Variants in SOHLH2 observed in about 807,000 individuals in gnomAD.
The protein encoded by SOHLH2 is spermatogenesis and oogenesis specific basic helix-loop-helix 2, also known as spermatogenesis- and oogenesis-specific basic helix-loop-helix-containing protein 2.
SOHLH2 carries 22 observed loss-of-function variants against 50.4 expected under a neutral mutation model. The ratio of observed to expected loss-of-function variants is 0.44; its 90% confidence interval spans 0.31 to 0.62. The LOEUF is 0.62. Among genes scored for constraint, SOHLH2 ranks in the 20% least tolerant of loss-of-function variants. SOHLH2 has a pLI of 0.08. For missense variants in SOHLH2, 412 were observed against 504.4 expected (o/e 0.82, Z 1.76); for synonymous variants, 185 against 187.3 (o/e 0.99, Z 0.10).
intron 1 of SOHLH2, among the ~76,000 whole-genome samples, chr13:36,209,510 AATTT>A (rs778422811): frequency 1.3e-5 from 2 of 152,106 alleles, no homozygotes; most frequent in Non-Finnish European, 2.9e-5. Flanking sequence ...CATAGATGGC[AATTT>A]ATTTGTGTTC....
intron 9 of SOHLH2, 119 bp downstream of exon 9, chr13:36,173,573 G>A (rs1887019389): frequency 1.0e-5 from 12 of 1,176,126 alleles, no homozygotes; most frequent in Non-Finnish European, 1.5e-5. Flanking sequence ...GACAATACCA[G>A]AAGGACTCAT....
intron 4 of SOHLH2, among the ~76,000 whole-genome samples, chr13:36,193,116 T>C (rs1440409000): frequency 6.6e-6 from 1 of 152,228 alleles, no homozygotes; most frequent in Admixed American, 6.5e-5. Flanking sequence ...ATGCTTAATA[T>C]AATAGGCAAA....
intron 6 of SOHLH2, chr13:36,182,914 A>C (rs541047966): frequency 6.3e-6 from 1 of 157,784 alleles, no homozygotes; most frequent in East Asian, 1.8e-4. Context: ...TCCAAATCTT[A>C]TGGTGAAATG....
chr13:36,197,217 C>T (rs1276735502), intron 2 of SOHLH2, among the ~76,000 whole-genome samples: 1 of 152,120 alleles, frequency 6.6e-6, no homozygotes. Context: ...CACGATTACG[C>T]TGTTTAAATG....
chr13:36,185,640 A>C (rs1006581120), intron 6 of SOHLH2, among the ~76,000 whole-genome samples: 1 of 152,210 alleles, frequency 6.6e-6, no homozygotes, highest in Non-Finnish European at 1.5e-5. Context: ...CTGATCAAGA[A>C]ACAAGGCAGA....
chr13:36,191,893 A>G lies in SOHLH2; in HGVS notation c.432T>C (p.Val144=). ...KYWTTCPSNT[V]KTENATGPEE... is the part of the protein sequence containing the mutation. ...CAGGCCCAGTTGCGTTTTCAGTCTTAACTGAAAGTTTTGAGAGGGGAACTA... is the reference window on the plus strand; with the variant it reads ...CAGGCCCAGTTGCGTTTTCAGTCTTGACTGAAAGTTTTGAGAGGGGAACTA... Residue 144 remains valine, a splice_region_variant and synonymous_variant, in exon 5 of 11, where the codon GTT becomes GTC. Transcript: ENST00000379881. The G allele has an allele frequency of 6.2e-7, 1 of 1,613,902 alleles. No individual in the cohort carries two copies. Among genetic ancestry groups the G allele is most frequent in the South Asian group, 1.1e-5 (1 of 91,078 alleles).
At chr13:36,214,047 T>A (rs1869282895) in intron 1 of SOHLH2, among the ~76,000 whole-genome samples, 1 of 152,086 alleles carries the variant, frequency 6.6e-6, no homozygotes, top group South Asian at 2.1e-4. Flanking sequence ...AAGATTTTTT[T>A]TTTTTTTTTT....
At chr13:36,172,077 A>G (rs1162961300) in intron 9 of SOHLH2, among the ~76,000 whole-genome samples, 1 of 152,166 alleles carries the variant, frequency 6.6e-6, no homozygotes, top group African/African-American at 2.4e-5. Context: ...TTAACCTTCA[A>G]GGCCTCCTAG....
chr13:36,174,855 T>A lies in SOHLH2; in HGVS notation c.656A>T (p.Tyr219Phe), dbSNP rs767679153. The A allele has an allele frequency of 3.8e-6, 6 of 1,577,176 alleles. No homozygotes were observed. In the East Asian group the frequency reaches 1.3e-4, roughly 35 times the overall value. ...GAGAGTACGCAGCTGCTCACAGCAA[T>A]ATTTGATTCTTTCCCTGGACACAGA... The part of the protein sequence containing the change: ...KEKLRRERIK[Y>F]CCEQLRTLLP... The change falls in exon 7 of 11, where the codon TAT becomes TTT. Residue 219 changes from tyrosine to phenylalanine, a missense_variant. Transcript: ENST00000379881.
chr13:36,203,409 A>T (rs1048434163), intron 1 of SOHLH2, among the ~76,000 whole-genome samples: 4 of 152,202 alleles, frequency 2.6e-5, no homozygotes, highest in Non-Finnish European at 5.9e-5. Flanking sequence ...AAATGTGCTC[A>T]TCTGTCATCT....
intron 6 of SOHLH2, among the ~76,000 whole-genome samples, chr13:36,178,395 A>G (rs1887150874): frequency 6.6e-6 from 1 of 152,120 alleles, no homozygotes; most frequent in African/African-American, 2.4e-5. Context: ...CTGTCCCAAA[A>G]TATTTGCTTT....
intron 2 of SOHLH2, among the ~76,000 whole-genome samples, chr13:36,199,596 A>G (rs1887837298): frequency 6.6e-6 from 1 of 152,140 alleles, no homozygotes. Flanking sequence ...AAATAACAGA[A>G]CTACCGTTTG....
At chr13:36,211,386 T>C (rs1869113424) in intron 1 of SOHLH2, among the ~76,000 whole-genome samples, 3 of 152,248 alleles carry the variant, frequency 2.0e-5, no homozygotes, top group Admixed American at 1.3e-4. Flanking sequence ...TAGATATTTA[T>C]TGAGCCCTTA....
chr13:36,168,583 T>C lies in SOHLH2; in HGVS notation c.*451A>G, dbSNP rs1429330122. The C allele has an allele frequency of 1.8e-5, 3 of 162,594 alleles. No individual in the cohort carries two copies. The highest frequency in any genetic ancestry group is 7.2e-5 in the African/African-American group (3 of 41,928). The allele number at this position is 162,594 out of a possible 1,614,324, so 10.1% of individuals were successfully genotyped here. On this transcript the variant is annotated 3_prime_UTR_variant, in exon 11 of 11. Transcript: ENST00000379881. ...AAATAAGGAAAAGACCACCTAGAAA[T>C]GAGTGACAGTAATTCACAGGGATAC...
intron 1 of SOHLH2, among the ~76,000 whole-genome samples, chr13:36,210,477 TCAAAC>T (rs1869050443): frequency 6.6e-6 from 1 of 152,218 alleles, no homozygotes; most frequent in Non-Finnish European, 1.5e-5. Context: ...GTTGCTTTGT[TCAAAC>T]CAAGATCCCA....
intron 6 of SOHLH2, among the ~76,000 whole-genome samples, chr13:36,179,701 C>G (rs1887197206): frequency 6.6e-6 from 1 of 152,156 alleles, no homozygotes; most frequent in South Asian, 2.1e-4. Flanking sequence ...GTATGAGCCA[C>G]CATGCCAAGC....
chr13:36,175,018 A>C (rs891755101), intron 6 of SOHLH2, 149 bp from the exon 7 acceptor site: 80 of 1,215,506 alleles, frequency 6.6e-5, no homozygotes, highest in Non-Finnish European at 8.3e-5. Flanking sequence ...CTGTGTCCCC[A>C]CAAGCCAGCA....
chr13:36,203,512 C>A (rs1182484061), intron 1 of SOHLH2, among the ~76,000 whole-genome samples: 1 of 152,136 alleles, frequency 6.6e-6, no homozygotes, highest in African/African-American at 2.4e-5. Context: ...ATGATGAATA[C>A]ATTTATAAAT....
intron 1 of SOHLH2, among the ~76,000 whole-genome samples, chr13:36,209,811 C>G (rs547160322): frequency 6.6e-6 from 1 of 152,320 alleles, no homozygotes; most frequent in East Asian, 1.9e-4. Context: ...GAATCAAGAA[C>G]TAAGTGGGTG....
Sources: allele counts gnomAD v4.1 joint callset (sites outside exome capture counted in the v4.1 genomes callset), GRCh38; gene constraint gnomAD v4.1.1; transcripts MANE v1.5; gene names NCBI Gene and HGNC (gene_info 2026-07-23, HGNC 2026-07-21).